PDE3B: variants seen among roughly 807,000 people sequenced by gnomAD.
PDE3B encodes the protein cGMP-inhibited 3',5'-cyclic phosphodiesterase 3B.
PDE3B carries 66 observed loss-of-function variants against 116.8 expected under a neutral mutation model. That is an observed-to-expected ratio of 0.56 (90% CI 0.46 to 0.69). The LOEUF is 0.69. Among genes scored for constraint, PDE3B ranks in the 30% least tolerant of loss-of-function variants. PDE3B has a pLI of 0.00. For missense variants in PDE3B, 1,384 were observed against 1,368.1 expected, an observed-to-expected ratio of 1.01 and a Z score of -0.18; for synonymous variants, 595 against 533.6, an observed-to-expected ratio of 1.12 and a Z score of -1.59.
At chr11:14,840,402 C>A (rs1360991208) in intron 11 of PDE3B, among the ~76,000 whole-genome samples, 1 of 152,180 alleles carries the variant, frequency 6.6e-6, no homozygotes, top group East Asian at 1.9e-4. Flanking sequence ...TCCTCCAGTT[C>A]ATAAATTTGT....
chr11:14,844,130 C>T, intron 12 of PDE3B, 104 bp downstream of exon 12: 1 of 799,644 alleles, frequency 1.3e-6, no homozygotes, highest in Non-Finnish European at 2.1e-6. Context: ...TCCAATCCAT[C>T]TGACTTTAAT....
chr11:14,757,565 AT>A (rs1857227740), intron 1 of PDE3B, among the ~76,000 whole-genome samples: 1 of 133,320 alleles, frequency 7.5e-6, no homozygotes, highest in African/African-American at 3.0e-5. Flanking sequence ...GATGATGAGC[AT>A]TTTTTCATGT....
chr11:14,745,491 A>G (rs1856887668), intron 1 of PDE3B, among the ~76,000 whole-genome samples: 1 of 151,834 alleles, frequency 6.6e-6, no homozygotes, highest in East Asian at 1.9e-4. Context: ...ATTTCTTTGT[A>G]TTTAGCTACA....
Position 14,644,176 on chromosome 11 carries a change from G to A in PDE3B, c.101G>A (p.Ser34Asn). ...PESLRNGYVK[S>N]CVSPLRQDPP... ...AGTCTGAGGAACGGCTACGTGAAGAGCTGCGTGAGCCCCTTGCGGCAGGAC... is the reference window on the plus strand; with the variant it reads ...AGTCTGAGGAACGGCTACGTGAAGAACTGCGTGAGCCCCTTGCGGCAGGAC... The change falls in exon 1 of 16, where the codon AGC (serine) becomes AAC (asparagine). Residue 34 changes from serine (S) to asparagine (N), a missense_variant. Transcript: ENST00000282096. 1 of 1,596,742 alleles carries A rather than the reference G, an allele frequency of 6.3e-7. No individual in the cohort carries two copies. Among genetic ancestry groups the A allele is most frequent in the Non-Finnish European group, 8.5e-7 (1 of 1,177,818 alleles).
chr11:14,646,057 T>C (rs1471365780), intron 1 of PDE3B, among the ~76,000 whole-genome samples: 1 of 152,164 alleles, frequency 6.6e-6, no homozygotes, highest in Non-Finnish European at 1.5e-5. Context: ...GATTAGATTT[T>C]TGAGTTTTCA....
At chr11:14,671,583 C>A (rs1303809175) in intron 1 of PDE3B, among the ~76,000 whole-genome samples, 1 of 152,030 alleles carries the variant, frequency 6.6e-6, no homozygotes, top group Non-Finnish European at 1.5e-5. Context: ...AAAGATTATT[C>A]TTGCTTGTTT....
intron 1 of PDE3B, among the ~76,000 whole-genome samples, chr11:14,702,949 A>G (rs939157641): frequency 6.6e-6 from 1 of 151,832 alleles, no homozygotes; most frequent in Non-Finnish European, 1.5e-5. Context: ...GGGCTGTGTC[A>G]TTTCTGCTAC....
intron 7 of PDE3B, among the ~76,000 whole-genome samples, chr11:14,825,368 C>T (rs1313498260): frequency 6.6e-6 from 1 of 151,986 alleles, no homozygotes; most frequent in Non-Finnish European, 1.5e-5. Flanking sequence ...AAAGTAAGAC[C>T]CAATGATACA....
chr11:14,750,621 C>T (rs1334647777), intron 1 of PDE3B, among the ~76,000 whole-genome samples: 6 of 151,544 alleles, frequency 4.0e-5, no homozygotes, highest in Non-Finnish European at 7.4e-5. Flanking sequence ...ATTTTATTGA[C>T]TGATTGGTTT....
chr11:14,782,492 A>G (rs1858041159), intron 2 of PDE3B, among the ~76,000 whole-genome samples: 1 of 152,228 alleles, frequency 6.6e-6, no homozygotes, highest in Admixed American at 6.5e-5. Context: ...CAAACCTGAT[A>G]AAAACAAGAA....
At chr11:14,816,799 G>A (rs1859344877) in intron 5 of PDE3B, among the ~76,000 whole-genome samples, 1 of 152,196 alleles carries the variant, frequency 6.6e-6, no homozygotes, top group Non-Finnish European at 1.5e-5. Context: ...TTGCTTAAAT[G>A]CTATTAAGAA....
chr11:14,851,915 A>C (rs539980518), intron 12 of PDE3B, among the ~76,000 whole-genome samples: 1 of 152,330 alleles, frequency 6.6e-6, no homozygotes, highest in East Asian at 1.9e-4. Context: ...TATTCCTCTG[A>C]ACCTAAAAAT....
At chr11:14,673,113 CTA>C (rs1402683544) in intron 1 of PDE3B, among the ~76,000 whole-genome samples, 1 of 151,584 alleles carries the variant, frequency 6.6e-6, no homozygotes, top group African/African-American at 2.4e-5. Context: ...GATAAAATGC[CTA>C]AGTAACAACA....
chr11:14,832,732 C>T lies in PDE3B; in HGVS notation c.2105C>T (p.Thr702Ile), dbSNP rs539940891. 2 of 1,285,176 alleles carry T rather than the reference C, an allele frequency of 1.6e-6. No homozygotes were observed. The highest frequency in any genetic ancestry group is 1.9e-5 in the Admixed American group (1 of 51,946). The allele number at this position is 1,285,176 out of a possible 1,614,324, so 79.6% of individuals were successfully genotyped here. ...SGRILSQVMY[T>I]LFQDTGLLEI... ...TTAATTGACATTTAGGTTATGTATA[C>T]CTTATTTCAAGACACTGGTTTATTG... Residue 702 changes from threonine to isoleucine, a missense_variant, in exon 10 of 16, where the codon ACC becomes ATC. Thr to Ile is a moderately conservative substitution (Grantham distance 89). Transcript: ENST00000282096.
intron 1 of PDE3B, among the ~76,000 whole-genome samples, chr11:14,692,725 C>G (rs943844167): frequency 5.3e-5 from 8 of 152,054 alleles, no homozygotes; most frequent in Admixed American, 6.6e-5. Flanking sequence ...TGGCTCTTCC[C>G]CTATCTTTCT....
chr11:14,818,264 T>A lies in PDE3B; in HGVS notation c.1604T>A (p.Ile535Lys), dbSNP rs1272017772. The A allele has an allele frequency of 5.6e-6, 9 of 1,613,476 alleles. No homozygotes were observed. The Admixed American group carries it at 1.3e-4, about 24-fold the overall frequency. ...STGSLTNRSP[I>K]EFPDTADFLN... ...GGCTCTCTAACTAATCGATCACCCA[T>A]AGAATTTCCTGATACTGCTGATTTT... Residue 535 changes from isoleucine to lysine, a missense_variant, in exon 6 of 16, where the codon ATA becomes AAA. Coordinates refer to ENST00000282096, the MANE Select transcript of PDE3B (RefSeq NM_000922.4).
At chr11:14,850,168 A>T (rs1273032871) in intron 12 of PDE3B, among the ~76,000 whole-genome samples, 2 of 151,958 alleles carry the variant, frequency 1.3e-5, no homozygotes, top group Admixed American at 1.3e-4. Flanking sequence ...ATAAAAAAGG[A>T]TGAGTTCATG....
intron 1 of PDE3B, among the ~76,000 whole-genome samples, chr11:14,764,535 G>GT (rs1281672127): frequency 6.6e-6 from 1 of 152,048 alleles, no homozygotes; most frequent in Non-Finnish European, 1.5e-5. Context: ...ATATAGTACT[G>GT]TTTATTAAAT....
intron 1 of PDE3B, among the ~76,000 whole-genome samples, chr11:14,732,647 GT>G (rs755487253): frequency 1.3e-5 from 2 of 152,144 alleles, no homozygotes; most frequent in Non-Finnish European, 2.9e-5. Context: ...AAATACAGTT[GT>G]TCCTTGGTAT....
Sources: allele counts gnomAD v4.1 joint callset (sites outside exome capture counted in the v4.1 genomes callset), GRCh38; gene constraint gnomAD v4.1.1; transcripts MANE v1.5; gene names NCBI Gene and HGNC (gene_info 2026-07-23, HGNC 2026-07-21).